IQCH: variants seen among roughly 807,000 people sequenced by gnomAD.
IQCH encodes the protein IQ domain-containing protein H.
IQCH carries 98 observed loss-of-function variants against 117.0 expected under a neutral mutation model. That is an observed-to-expected ratio of 0.84 (90% CI 0.71 to 0.99). The LOEUF is 0.99. IQCH is among the 50% of genes least tolerant of loss of function. IQCH has a pLI of 0.00. For synonymous variants in IQCH, 412 were observed against 448.2 expected (o/e 0.92, Z 1.02); for missense variants, 1,102 against 1,243.8 (o/e 0.89, Z 1.72).
intron 8 of IQCH, among the ~76,000 whole-genome samples, chr15:67,368,731 A>G (rs1157165569): frequency 6.6e-6 from 1 of 152,166 alleles, no homozygotes; most frequent in African/African-American, 2.4e-5. Flanking sequence ...ATACTTGGCC[A>G]TTTGCCACTA....
intron 8 of IQCH, among the ~76,000 whole-genome samples, chr15:67,368,323 T>C (rs985384282): frequency 1.3e-5 from 2 of 152,202 alleles, no homozygotes; most frequent in African/African-American, 4.8e-5. Flanking sequence ...TCAGCTAGTC[T>C]CTCTGAATAT....
chr15:67,349,265 A>G (rs1265156871), intron 6 of IQCH, among the ~76,000 whole-genome samples: 1 of 152,246 alleles, frequency 6.6e-6, no homozygotes, highest in Non-Finnish European at 1.5e-5. Context: ...GATACATTGG[A>G]CTTCATCAAA....
chr15:67,477,808 A>C (rs1396828573), intron 18 of IQCH, among the ~76,000 whole-genome samples: 1 of 152,164 alleles, frequency 6.6e-6, no homozygotes, highest in Non-Finnish European at 1.5e-5. Context: ...CCTTCCCCCC[A>C]CACAAAAGTG....
intron 4 of IQCH, among the ~76,000 whole-genome samples, chr15:67,301,253 C>G (rs4776916): frequency 0.99 from 151,306 of 152,216 alleles, 75,212 homozygotes; most frequent in Non-Finnish European, 1. Flanking sequence ...GTCTGTAATT[C>G]ATTTTCTTGA....
intron 4 of IQCH, among the ~76,000 whole-genome samples, chr15:67,312,707 T>A (rs972175647): frequency 2.0e-4 from 30 of 152,152 alleles, no homozygotes; most frequent in Non-Finnish European, 2.1e-4. Context: ...TGCAATAATA[T>A]AGTAAGTGTT....
Position 67,411,312 on chromosome 15 carries a change from G to A in IQCH, c.2098-5619G>A, listed in dbSNP as rs76826094. Among the ~76,000 whole-genome samples the A allele has an allele frequency of 4.6e-3, 705 of 152,244 alleles. 10 individuals carry two copies. The highest frequency in any genetic ancestry group is 0.032 in the East Asian group (166 of 5,170). ...TCAGAGGCAGCCAGAGAGCACCTGC[G>A]GCCTCCCAGTGTGACTGGAGAAGCC... is the stretch of plus-strand genomic sequence containing the variant. On this transcript the variant is annotated intron_variant, in intron 14 of 20. Transcript: ENST00000335894. The surrounding 1 kb of genome is among the most constrained non-coding windows in gnomAD (Gnocchi z 4.4).
chr15:67,346,199 C>T (rs747222489), intron 6 of IQCH, among the ~76,000 whole-genome samples: 1 of 151,942 alleles, frequency 6.6e-6, no homozygotes, highest in Non-Finnish European at 1.5e-5. Context: ...GACATACATT[C>T]CTAAATGTGT....
Position 67,364,967 on chromosome 15 carries a change from G to A in IQCH, c.753+5082G>A, listed in dbSNP as rs557553297. Reference sequence around the variant, plus strand: ...GTTTTTGTTCTTGTTTTGAGATGCGGTCTCTCTCTGTCACCTAGTCTGCAG... The same window carrying A: ...GTTTTTGTTCTTGTTTTGAGATGCGATCTCTCTCTGTCACCTAGTCTGCAG... On this transcript the variant is annotated intron_variant, in intron 8 of 20. Coordinates refer to ENST00000335894, the MANE Select transcript of IQCH (RefSeq NM_001031715.3). This position sits in a 1 kb window ranked among gnomAD's most constrained non-coding sequence, Gnocchi z 4.1. Among the ~76,000 whole-genome samples the A allele has an allele frequency of 6.6e-6, 1 of 152,206 alleles. No individual in the cohort carries two copies. The highest frequency in any genetic ancestry group is 1.5e-5 in the Non-Finnish European group (1 of 68,012).
chr15:67,459,332 C>A lies in IQCH; in HGVS notation c.2506-5795C>A, dbSNP rs1008930151. ...TATAAATTAGTCTCTGAGTCCCATA[C>A]GTGCCCTGATGCCCATAGGAGAAGG... On this transcript the variant is annotated intron_variant, in intron 16 of 20. Coordinates refer to ENST00000335894, the MANE Select transcript of IQCH (RefSeq NM_001031715.3). The surrounding 1 kb of genome is among the most constrained non-coding windows in gnomAD (Gnocchi z 4.2). Among the ~76,000 whole-genome samples, 1 of 152,182 alleles carries A rather than the reference C, an allele frequency of 6.6e-6. No individual in the cohort carries two copies.
Position 67,445,890 on chromosome 15 carries a change from A to T in IQCH, c.2506-19237A>T, listed in dbSNP as rs1186322006. 6.6e-6 allele frequency among the ~76,000 whole-genome samples: 1 copy of T among 152,372 alleles called. No individual in the cohort carries two copies. Among genetic ancestry groups the T allele is most frequent in the East Asian group, 1.9e-4 (1 of 5,194 alleles). ...CCCATACAGAGGACACAGGTAGGAA[A>T]TATAAAGAAGAACATGGAGTTTCCC... is the stretch of plus-strand genomic sequence containing the variant. On this transcript the variant is annotated intron_variant, in intron 16 of 20. Coordinates refer to ENST00000335894, the MANE Select transcript of IQCH (RefSeq NM_001031715.3). This position sits in a 1 kb window ranked among gnomAD's most constrained non-coding sequence, Gnocchi z 4.3.
chr15:67,310,851 ACTGT>A (rs1257928138), intron 4 of IQCH, among the ~76,000 whole-genome samples: 4 of 152,124 alleles, frequency 2.6e-5, no homozygotes, highest in African/African-American at 9.6e-5. Flanking sequence ...AAACTCAGTG[ACTGT>A]CTGAAAGAGA....
chr15:67,308,889 A>C (rs1378998225), intron 4 of IQCH, among the ~76,000 whole-genome samples: 1 of 151,768 alleles, frequency 6.6e-6, no homozygotes, highest in Non-Finnish European at 1.5e-5. Flanking sequence ...AACATTCATA[A>C]AAAAAAATCT....
chr15:67,435,784 A>G (rs1041898948), intron 16 of IQCH, among the ~76,000 whole-genome samples: 1 of 151,878 alleles, frequency 6.6e-6, no homozygotes, highest in African/African-American at 2.4e-5. Context: ...AGGCACGAGA[A>G]TCTCTTGAAC....
intron 4 of IQCH, among the ~76,000 whole-genome samples, chr15:67,286,965 G>C (rs1966587181): frequency 6.6e-6 from 1 of 152,108 alleles, no homozygotes; most frequent in Admixed American, 6.5e-5. Flanking sequence ...CCAGTTTCCT[G>C]AAGGTTTTTC....
rs141794788 is a variant in IQCH, at chr15:67,355,780, G to A, written c.638-1565G>A. On this transcript the variant is annotated intron_variant, in intron 6 of 20. Transcript: ENST00000335894. ...AAAAATGCAGACACATTCCTCAAAT[G>A]CATGTGTCTCATAAAATCCAAGGCC... 1.2e-4 allele frequency among the ~76,000 whole-genome samples: 18 copies of A among 152,234 alleles called. No individual in the cohort carries two copies. The East Asian group carries it at 2.5e-3, about 21-fold the overall frequency.
At position 67,381,530 on chromosome 15, in the gene IQCH, G is replaced by A. The variant is rs190534394; in HGVS notation, c.1373-3406G>A. Among the ~76,000 whole-genome samples the A allele has an allele frequency of 2.0e-5, 3 of 152,312 alleles. No individual in the cohort carries two copies. Among genetic ancestry groups the A allele is most frequent in the Non-Finnish European group, 2.9e-5 (2 of 68,030 alleles). On this transcript the variant is annotated intron_variant, in intron 10 of 20. Coordinates refer to ENST00000335894, the MANE Select transcript of IQCH (RefSeq NM_001031715.3). The surrounding 1 kb of genome is among the most constrained non-coding windows in gnomAD (Gnocchi z 5.1). The stretch of plus-strand genomic sequence containing the variant: ...GAAGAGAGAGTGCCTCTTTCTGCTA[G>A]TGTTGTATTGTTCTGTGCTAATGAG...
At chr15:67,290,278 G>A (rs1042707598) in intron 4 of IQCH, among the ~76,000 whole-genome samples, 12 of 152,006 alleles carry the variant, frequency 7.9e-5, no homozygotes, top group African/African-American at 2.7e-4. Context: ...AAATCCTAGA[G>A]TCTATTCCAT....
intron 6 of IQCH, among the ~76,000 whole-genome samples, chr15:67,352,544 T>C (rs12904476): frequency 0.38 from 45,071 of 119,320 alleles, 7,151 homozygotes; most frequent in South Asian, 0.5. Context: ...AATGTGTTTA[T>C]GTCCTGACTT....
intron 4 of IQCH, chr15:67,281,534 C>T (rs1596091092): frequency 2.9e-6 from 1 of 340,972 alleles, no homozygotes; most frequent in Non-Finnish European, 5.8e-6. Flanking sequence ...GCAAAGATGG[C>T]CTTGTGTGTA....
Sources: allele counts gnomAD v4.1 joint callset (sites outside exome capture counted in the v4.1 genomes callset), GRCh38; gene constraint gnomAD v4.1.1; non-coding constraint Gnocchi (gnomAD v3.1); transcripts MANE v1.5; gene names NCBI Gene and HGNC (gene_info 2026-07-23, HGNC 2026-07-21).